KCNH1: variants seen among roughly 807,000 people sequenced by gnomAD.
KCNH1 encodes potassium voltage-gated channel subfamily H member 1.
KCNH1 carries 27 observed loss-of-function variants against 69.2 expected under a neutral mutation model. The ratio of observed to expected loss-of-function variants is 0.39; its 90% confidence interval spans 0.29 to 0.54. KCNH1 has a LOEUF of 0.54. Ranked by LOEUF, KCNH1 falls within the 20% of genes least tolerant of loss-of-function variation. KCNH1 has a pLI of 0.68. For synonymous variants in KCNH1, 456 were observed against 487.7 expected, an observed-to-expected ratio of 0.93 and a Z score of 0.86; for missense variants, 798 against 1,261.6, an observed-to-expected ratio of 0.63 and a Z score of 5.57.
intron 8 of KCNH1, among the ~76,000 whole-genome samples, chr1:210,802,858 C>T (rs1684457657): frequency 6.6e-6 from 1 of 152,036 alleles, no homozygotes; most frequent in South Asian, 2.1e-4. Context: ...AAATGCATGG[C>T]ACGTGTATAC....
chr1:210,709,722 A>AAGAGAGAGAGAGAGAGAGAAAGAG (rs1682011539), intron 10 of KCNH1, among the ~76,000 whole-genome samples: 1 of 99,972 alleles, frequency 1.0e-5, no homozygotes, highest in Non-Finnish European at 2.7e-5. Context: ...AGAAAGAAAG[A>AAGAGAGAGAGAGAGAGAGAAAGAG]AGAGAGAGAG....
At chr1:211,067,835 C>T (rs1343611098) in intron 5 of KCNH1, among the ~76,000 whole-genome samples, 1 of 152,176 alleles carries the variant, frequency 6.6e-6, no homozygotes, top group Non-Finnish European at 1.5e-5. Flanking sequence ...GGTTCTCATT[C>T]CAGAGTCCAC....
chr1:211,077,541 T>C (rs184520765), intron 5 of KCNH1, among the ~76,000 whole-genome samples: 10 of 152,276 alleles, frequency 6.6e-5, no homozygotes, highest in African/African-American at 2.2e-4. Flanking sequence ...TAAAATACTT[T>C]ACAGACAAGC....
chr1:211,110,905 A>G (rs2102488944), intron 1 of KCNH1, among the ~76,000 whole-genome samples: 1 of 152,300 alleles, frequency 6.6e-6, no homozygotes. Context: ...ATTTAGAGAC[A>G]TGGCAGAAAC....
rs1691907800 is a variant in KCNH1 at position 211,133,159 on chromosome 1, G to A, written c.79+708C>T. On this transcript the variant is annotated intron_variant, in intron 1 of 10. Coordinates refer to ENST00000271751, the MANE Select transcript of KCNH1 (RefSeq NM_172362.3). This position sits in a 1 kb window ranked among gnomAD's most constrained non-coding sequence, Gnocchi z 5.4. Reference sequence around the variant, plus strand: ...GGTGGCATAAAACCGTTGTGGGTTTGGAAGAGGGGAAATATAACAGGTTTG... The same window carrying A: ...GGTGGCATAAAACCGTTGTGGGTTTAGAAGAGGGGAAATATAACAGGTTTG... 1 of 152,258 alleles carries A rather than the reference G, an allele frequency of 6.6e-6. No individual in the cohort carries two copies. Among genetic ancestry groups the A allele is most frequent in the African/African-American group, 2.4e-5 (1 of 41,444 alleles). The allele number at this position is 152,258 out of a possible 1,614,324, so 9.4% of individuals were successfully genotyped here.
chr1:210,961,911 T>C (rs1688302809), intron 6 of KCNH1, among the ~76,000 whole-genome samples: 1 of 152,200 alleles, frequency 6.6e-6, no homozygotes, highest in South Asian at 2.1e-4. Context: ...TTTTATCATC[T>C]GTAGTTTTTC....
At chr1:210,889,307 A>G (rs996872079) in intron 7 of KCNH1, among the ~76,000 whole-genome samples, 2 of 152,076 alleles carry the variant, frequency 1.3e-5, no homozygotes, top group African/African-American at 4.8e-5. Flanking sequence ...CAAAAACCAC[A>G]TGATTATTTC....
rs982174324 is a variant in KCNH1, at chr1:210,762,700, A to G, written c.2112+12648T>C. On this transcript the variant is annotated intron_variant, in intron 10 of 10. Coordinates refer to ENST00000271751, the MANE Select transcript of KCNH1 (RefSeq NM_172362.3). ...AGAAAAAGAAATCCTGAAAAAAACA[A>G]TAGTGAGTAATGGAATTGAACCAGT... Among the ~76,000 whole-genome samples the G allele has an allele frequency of 4.6e-5, 7 of 152,136 alleles. No homozygotes were observed. The East Asian group carries it at 5.8e-4, about 13-fold the overall frequency.
At chr1:210,986,128 T>A (rs1688828803) in intron 6 of KCNH1, among the ~76,000 whole-genome samples, 2 of 152,216 alleles carry the variant, frequency 1.3e-5, no homozygotes, top group African/African-American at 4.8e-5. Flanking sequence ...TTGTTCTCCA[T>A]TTGCTTAGTA....
intron 6 of KCNH1, among the ~76,000 whole-genome samples, chr1:210,988,863 C>T (rs984370963): frequency 1.3e-5 from 2 of 152,254 alleles, no homozygotes; most frequent in African/African-American, 4.8e-5. Flanking sequence ...TGAGATTAGA[C>T]CTGACAATGT....
intron 1 of KCNH1, among the ~76,000 whole-genome samples, chr1:211,125,944 T>C (rs1187734721): frequency 6.6e-6 from 1 of 152,206 alleles, no homozygotes; most frequent in Non-Finnish European, 1.5e-5. Flanking sequence ...TTGGCATAAC[T>C]CTGTAATACC....
intron 5 of KCNH1, among the ~76,000 whole-genome samples, chr1:211,076,267 A>C (rs1239110577): frequency 3.3e-5 from 5 of 152,226 alleles, no homozygotes; most frequent in African/African-American, 1.2e-4. Context: ...CTGAGAATGG[A>C]CAGACTGCCT....
chr1:210,856,267 A>G (rs1685834339), intron 7 of KCNH1, among the ~76,000 whole-genome samples: 1 of 152,204 alleles, frequency 6.6e-6, no homozygotes, highest in Admixed American at 6.5e-5. Context: ...CTCCCAAACC[A>G]GAGCCCGCCT....
At chr1:210,915,203 A>T (rs917254510) in intron 7 of KCNH1, among the ~76,000 whole-genome samples, 2 of 152,146 alleles carry the variant, frequency 1.3e-5, no homozygotes, top group African/African-American at 2.4e-5. Flanking sequence ...GTCCATTTCT[A>T]GGCCTTTGTT....
At chr1:211,110,595 A>G (rs1484947898) in intron 1 of KCNH1, among the ~76,000 whole-genome samples, 2 of 152,182 alleles carry the variant, frequency 1.3e-5, no homozygotes, top group Non-Finnish European at 2.9e-5. Context: ...GGAATATTTA[A>G]TTATCATAAG....
chr1:210,752,540 C>T (rs1683305203), intron 10 of KCNH1, among the ~76,000 whole-genome samples: 1 of 152,164 alleles, frequency 6.6e-6, no homozygotes, highest in Non-Finnish European at 1.5e-5. Context: ...CCAAGAACTT[C>T]TGGGGAGAAG....
chr1:210,999,821 C>A (rs1689135961), intron 6 of KCNH1, among the ~76,000 whole-genome samples: 1 of 152,224 alleles, frequency 6.6e-6, no homozygotes, highest in African/African-American at 2.4e-5. Context: ...CCACTATGAT[C>A]AAGTTGGCTT....
At chr1:210,693,392 C>T (rs1681565348) in intron 10 of KCNH1, among the ~76,000 whole-genome samples, 1 of 151,886 alleles carries the variant, frequency 6.6e-6, no homozygotes, top group Non-Finnish European at 1.5e-5. Flanking sequence ...AGTTCTTCTT[C>T]AGTGCAGGTG....
intron 10 of KCNH1, among the ~76,000 whole-genome samples, chr1:210,759,176 C>CACACAT (rs1553341197): frequency 6.6e-6 from 1 of 151,400 alleles, no homozygotes; most frequent in Non-Finnish European, 1.5e-5. Flanking sequence ...CACACACACA[C>CACACAT]ATATTTTATA....
Sources: allele counts gnomAD v4.1 joint callset (sites outside exome capture counted in the v4.1 genomes callset), GRCh38; gene constraint gnomAD v4.1.1; non-coding constraint Gnocchi (gnomAD v3.1); transcripts MANE v1.5; gene names NCBI Gene and HGNC (gene_info 2026-07-23, HGNC 2026-07-21).